Variants in MMADHC observed in about 807,000 individuals in gnomAD.
MMADHC encodes the protein metabolism of cobalamin associated D.
MMADHC carries 23 observed loss-of-function variants against 36.3 expected under a neutral mutation model. That is an observed-to-expected ratio of 0.63 (90% CI 0.46 to 0.90). MMADHC has a LOEUF of 0.90. Ranked by LOEUF, MMADHC falls within the 40% of genes least tolerant of loss-of-function variation. The pLI, the probability that MMADHC is intolerant of heterozygous loss-of-function variation, is 0.00. For missense variants in MMADHC, 330 were observed against 348.0 expected (o/e 0.95, Z 0.41); for synonymous variants, 97 against 116.1 (o/e 0.84, Z 1.06).
At chr2:149,578,711 G>A (rs1383243203) in intron 4 of MMADHC, among the ~76,000 whole-genome samples, 1 of 152,046 alleles carries the variant, frequency 6.6e-6, no homozygotes, top group Non-Finnish European at 1.5e-5. Context: ...CAGGTCAACT[G>A]TGTCTCAGTG....
chr2:149,577,726 A>G (rs1157265992), intron 4 of MMADHC, among the ~76,000 whole-genome samples: 1 of 152,224 alleles, frequency 6.6e-6, no homozygotes, highest in African/African-American at 2.4e-5. Flanking sequence ...ACATTTATAA[A>G]GAAACAGGAG....
chr2:149,574,150 G>A (rs1275194663), intron 6 of MMADHC, among the ~76,000 whole-genome samples: 3 of 152,124 alleles, frequency 2.0e-5, no homozygotes, highest in African/African-American at 7.2e-5. Context: ...ACTGGAGTCA[G>A]TATCAAATTA....
chr2:149,587,233 T>C (rs1573882871), intron 1 of MMADHC, 84 bp from the exon 2 acceptor site: 15 of 857,790 alleles, frequency 1.7e-5, no homozygotes, highest in Non-Finnish European at 2.9e-5. Context: ...TCTTCGAAGG[T>C]GTGTCGTCCA....
intron 6 of MMADHC, chr2:149,572,335 C>CAA (rs372625497): frequency 1.1e-4 from 14 of 122,192 alleles, no homozygotes; most frequent in South Asian, 4.1e-4. Context: ...ACTCCGTCTC[C>CAA]AAAAAAAAAA....
intron 6 of MMADHC, 120 bp downstream of exon 6, chr2:149,575,591 A>G (rs1465581513): frequency 4.8e-6 from 4 of 825,906 alleles, no homozygotes; most frequent in South Asian, 4.4e-5. Context: ...CTTTAGTATT[A>G]TAATACTTTG....
chr2:149,576,199 C>G (rs551135377), intron 5 of MMADHC, among the ~76,000 whole-genome samples: 1 of 152,194 alleles, frequency 6.6e-6, no homozygotes, highest in Non-Finnish European at 1.5e-5. Flanking sequence ...GTAAAAATGA[C>G]TTTAATTTAG....
At chr2:149,570,246 T>C (rs937853804) in intron 7 of MMADHC, 78 bp from the exon 8 acceptor site, 2 of 1,181,932 alleles carry the variant, frequency 1.7e-6, no homozygotes, top group African/African-American at 3.1e-5. Flanking sequence ...CATGAACACC[T>C]ATCTACTTTA....
intron 2 of MMADHC, among the ~76,000 whole-genome samples, chr2:149,585,946 A>G (rs1682863515): frequency 6.6e-6 from 1 of 152,222 alleles, no homozygotes; most frequent in African/African-American, 2.4e-5. Flanking sequence ...GTCAAATAAT[A>G]GCATTCTATT....
Position 149,576,470 on chromosome 2 carries a change from C to T in MMADHC, c.445G>A (p.Ala149Thr). 6.2e-7 allele frequency: 1 copy of T among 1,613,340 alleles called. No individual in the cohort carries two copies. The highest frequency in any genetic ancestry group is 8.5e-7 in the Non-Finnish European group (1 of 1,179,404). The change falls in exon 5 of 8, where the codon GCA (alanine) becomes ACA (threonine). Residue 149 changes from alanine (A) to threonine (T), a missense_variant. Coordinates refer to ENST00000303319, the MANE Select transcript of MMADHC (RefSeq NM_015702.3). The part of the protein sequence containing the change: ...TYFESARVEC[A>T]IQTCPELLRK... Reference sequence around the variant, plus strand: ...AGCAATTCTGGACATGTCTGTATTGCACACTCTACTCTGGCACTTTCAAAG... The same window carrying T: ...AGCAATTCTGGACATGTCTGTATTGTACACTCTACTCTGGCACTTTCAAAG...
intron 6 of MMADHC, among the ~76,000 whole-genome samples, chr2:149,572,051 TTACTAC>T (rs1682648584): frequency 6.6e-6 from 1 of 152,246 alleles, no homozygotes; most frequent in East Asian, 1.9e-4. Context: ...TAGTGTACAA[TTACTAC>T]TACCATGTGC....
chr2:149,576,353 C>T, intron 5 of MMADHC, 84 bp downstream of exon 5: 1 of 921,280 alleles, frequency 1.1e-6, no homozygotes, highest in Non-Finnish European at 1.8e-6. Flanking sequence ...TTAAGGTATA[C>T]AGCGTTCCAA....
rs1444497220 is a variant in MMADHC at position 149,570,144 on chromosome 2, T to C, written c.721A>G (p.Thr241Ala). The C allele has an allele frequency of 1.2e-6, 2 of 1,613,694 alleles. No homozygotes were observed. The highest frequency in any genetic ancestry group is 1.1e-5 in the South Asian group (1 of 91,062). ...TAGCGTTCATCAGTTTCAAAAAGAG[T>C]GTTGTTTGTATATGGTCCAAAAAAC... is the stretch of plus-strand genomic sequence containing the variant. ...LAFFGPYTNNTLFETDERYRH... is the reference protein window; with the variant it reads ...LAFFGPYTNNALFETDERYRH... The change falls in exon 8 of 8, where the codon ACT (threonine) becomes GCT (alanine). Residue 241 changes from threonine to alanine, a missense_variant. Coordinates refer to ENST00000303319, the MANE Select transcript of MMADHC (RefSeq NM_015702.3).
intron 6 of MMADHC, among the ~76,000 whole-genome samples, chr2:149,572,961 G>A (rs935592843): frequency 6.6e-6 from 1 of 152,106 alleles, no homozygotes; most frequent in Admixed American, 6.5e-5. Flanking sequence ...AATCTGATCC[G>A]GTGCCTGTTT....
intron 1 of MMADHC, 123 bp downstream of exon 1, chr2:149,587,541 A>T (rs1682893886): frequency 4.5e-6 from 1 of 222,042 alleles, no homozygotes; most frequent in South Asian, 6.5e-5. Context: ...GAGACTAAAG[A>T]CAGACGGACA....
chr2:149,586,747 G>C, intron 2 of MMADHC: 1 of 289,068 alleles, frequency 3.5e-6, no homozygotes, highest in Middle Eastern at 1.1e-3. Context: ...AAGAAAAAAA[G>C]ATTAAAAAAA....
intron 2 of MMADHC, among the ~76,000 whole-genome samples, chr2:149,582,787 T>C (rs1311858495): frequency 6.6e-6 from 1 of 152,192 alleles, no homozygotes; most frequent in Non-Finnish European, 1.5e-5. Flanking sequence ...TTGTGGTATA[T>C]TTTTTTCTGC....
Position 149,579,660 on chromosome 2 carries a change from C to G in MMADHC, c.155-12G>C. Reference sequence around the variant, plus strand: ...CACTGTTCGAGAGCCTGAAGAGAAACAACAAAAGGAACAGTTTCTCCTTAA... The same window carrying G: ...CACTGTTCGAGAGCCTGAAGAGAAAGAACAAAAGGAACAGTTTCTCCTTAA... On this transcript the variant is annotated splice_polypyrimidine_tract_variant and intron_variant, in intron 3 of 7. Transcript: ENST00000303319. 6.2e-7 allele frequency: 1 copy of G among 1,609,266 alleles called. No homozygotes were observed. The highest frequency in any genetic ancestry group is 1.7e-4 in the Middle Eastern group (1 of 5,954).
At chr2:149,572,540 T>C (rs886416919) in intron 6 of MMADHC, among the ~76,000 whole-genome samples, 3 of 152,172 alleles carry the variant, frequency 2.0e-5, no homozygotes, top group Non-Finnish European at 4.4e-5. Context: ...GCTCTAGCTT[T>C]CTGTCTGTGG....
At chr2:149,577,955 T>C (rs1573877892) in intron 4 of MMADHC, among the ~76,000 whole-genome samples, 1 of 152,162 alleles carries the variant, frequency 6.6e-6, no homozygotes, top group Non-Finnish European at 1.5e-5. Context: ...GAGTTGCAGG[T>C]TGCAGTGAGC....
Sources: allele counts gnomAD v4.1 joint callset (sites outside exome capture counted in the v4.1 genomes callset), GRCh38; gene constraint gnomAD v4.1.1; transcripts MANE v1.5; gene names NCBI Gene and HGNC (gene_info 2026-07-23, HGNC 2026-07-21).